Variants in DIAPH2 observed in about 807,000 individuals in gnomAD.
The protein encoded by DIAPH2 is protein diaphanous homolog 2.
In DIAPH2, 35 loss-of-function variants were observed where a neutral mutation model predicts 92.7. The observed-to-expected ratio is 0.38, with a 90% CI of 0.29 to 0.50. The LOEUF (loss-of-function observed/expected upper bound fraction) is 0.50. DIAPH2 is among the 20% of genes least tolerant of loss of function. The pLI is 0.94. For missense variants in DIAPH2, 701 were observed against 819.5 expected (o/e 0.86, Z 1.77); for synonymous variants, 301 against 280.4 (o/e 1.07, Z -0.73).
intron 18 of DIAPH2, among the ~76,000 whole-genome samples, chrX:97,074,819 T>A (rs1444075003): frequency 8.9e-6 from 1 of 112,266 alleles, no homozygotes; most frequent in Non-Finnish European, 1.9e-5. Context: ...CTTCATTGAA[T>A]AAAAAGGTCA....
At chrX:97,293,543 C>A (rs935127757) in intron 23 of DIAPH2, among the ~76,000 whole-genome samples, 19 of 111,217 alleles carry the variant, frequency 1.7e-4, no homozygotes, top group Non-Finnish European at 3.6e-4. Flanking sequence ...GAGCCACTGC[C>A]CCCGGTCTTT....
At chrX:97,057,135 A>G (rs1402941163) in intron 17 of DIAPH2, among the ~76,000 whole-genome samples, 1 of 112,227 alleles carries the variant, frequency 8.9e-6, no homozygotes, top group East Asian at 2.8e-4. Flanking sequence ...CTAAATGATG[A>G]GTCGTATGTG....
At chrX:97,535,028 GAA>G (rs765587699) in intron 26 of DIAPH2, among the ~76,000 whole-genome samples, 1 of 111,783 alleles carries the variant, frequency 8.9e-6, no homozygotes, top group South Asian at 3.8e-4. Context: ...AAGGTCATCA[GAA>G]ACAAGGAAAG....
At chrX:97,147,479 C>T (rs73250790) in intron 22 of DIAPH2, among the ~76,000 whole-genome samples, 8,069 of 109,393 alleles carry the variant, frequency 0.074, 281 homozygotes, top group Non-Finnish European at 0.11. Flanking sequence ...TCTTTTTTTC[C>T]CCCTGTGGCT....
At chrX:97,178,248 C>G (rs900613924) in intron 22 of DIAPH2, among the ~76,000 whole-genome samples, 2 of 109,911 alleles carry the variant, frequency 1.8e-5, no homozygotes, top group African/African-American at 6.6e-5. Flanking sequence ...CCAAAAAAAT[C>G]TAGATACATT....
chrX:97,327,513 A>G (rs1416941088), intron 23 of DIAPH2, among the ~76,000 whole-genome samples: 1 of 109,053 alleles, frequency 9.2e-6, no homozygotes, highest in Non-Finnish European at 1.9e-5. Flanking sequence ...GCTCATTGCA[A>G]CCTCCGCCTC....
chrX:96,713,299 G>C (rs984755146), intron 1 of DIAPH2, among the ~76,000 whole-genome samples: 6 of 110,915 alleles, frequency 5.4e-5, no homozygotes, highest in African/African-American at 2.0e-4. Context: ...CTCAAGGATT[G>C]TGTGTGTGTG....
chrX:96,921,954 A>G (rs2065548259), intron 9 of DIAPH2, among the ~76,000 whole-genome samples: 1 of 111,476 alleles, frequency 9.0e-6, no homozygotes, highest in Non-Finnish European at 1.9e-5. Flanking sequence ...AGATTTATAC[A>G]TCCAGCTCAG....
At chrX:97,327,391 G>A (rs923501668) in intron 23 of DIAPH2, among the ~76,000 whole-genome samples, 1 of 107,214 alleles carries the variant, frequency 9.3e-6, no homozygotes, top group Non-Finnish European at 1.9e-5. Context: ...GAGCTACCGC[G>A]CCCGGCCTAG....
chrX:96,870,851 C>A (rs766840261), intron 4 of DIAPH2, among the ~76,000 whole-genome samples: 1 of 111,831 alleles, frequency 8.9e-6, no homozygotes, highest in South Asian at 3.7e-4. Flanking sequence ...ACTTAAAATG[C>A]AGTTTATATC....
At chrX:97,252,716 G>GTTTTGTTTTGTTT (rs2068198419) in intron 23 of DIAPH2, among the ~76,000 whole-genome samples, 1 of 104,294 alleles carries the variant, frequency 9.6e-6, no homozygotes. Context: ...CAAAGCTGTT[G>GTTTTGTTTTGTTT]TGTTTTGTTT....
At chrX:97,573,464 T>C (rs1462049311) in intron 26 of DIAPH2, among the ~76,000 whole-genome samples, 3 of 111,036 alleles carry the variant, frequency 2.7e-5, no homozygotes, top group African/African-American at 9.8e-5. Context: ...CATTTAGGGT[T>C]AATAAAGATA....
At chrX:97,116,210 G>A (rs2067015620) in intron 21 of DIAPH2, among the ~76,000 whole-genome samples, 1 of 111,843 alleles carries the variant, frequency 8.9e-6, no homozygotes, top group African/African-American at 3.2e-5. Context: ...GATCTTGGTA[G>A]TTCTAACCCA....
At chrX:97,191,902 A>G (rs1233997450) in intron 22 of DIAPH2, among the ~76,000 whole-genome samples, 3 of 111,152 alleles carry the variant, frequency 2.7e-5, no homozygotes, top group Non-Finnish European at 5.7e-5. Flanking sequence ...GCAGTGAAAA[A>G]CTGAACATTA....
At chrX:97,195,388 C>T (rs1398256417) in intron 22 of DIAPH2, among the ~76,000 whole-genome samples, 1 of 111,298 alleles carries the variant, frequency 9.0e-6, no homozygotes, top group African/African-American at 3.3e-5. Context: ...AGGCCAGGCG[C>T]AGTGGCTCAT....
intron 26 of DIAPH2, chrX:97,564,434 T>C (rs2071313065): frequency 8.9e-6 from 1 of 112,213 alleles, no homozygotes; most frequent in Non-Finnish European, 1.9e-5. Context: ...TAATGTCTGA[T>C]GAGTGTTTGC....
intron 22 of DIAPH2, among the ~76,000 whole-genome samples, chrX:97,145,307 A>AGTAGTAGTC (rs1402014795): frequency 9.4e-6 from 1 of 105,920 alleles, no homozygotes; most frequent in Non-Finnish European, 1.9e-5. Context: ...TAGTAGTAGT[A>AGTAGTAGTC]GTAGTAGTAG....
At chrX:97,268,456 A>G (rs946556714) in intron 23 of DIAPH2, among the ~76,000 whole-genome samples, 5 of 112,170 alleles carry the variant, frequency 4.5e-5, no homozygotes, top group African/African-American at 1.6e-4. Context: ...TGCTATGGTG[A>G]TATATTGGTT....
chrX:96,964,304 A>ATT (rs1213471756), intron 16 of DIAPH2, among the ~76,000 whole-genome samples: 2 of 112,265 alleles, frequency 1.8e-5, no homozygotes, highest in Admixed American at 1.9e-4. Context: ...TTTTTAAAAA[A>ATT]TTAAGTACAA....
Sources: gnomAD v4.1 joint callset for allele counts (sites outside exome capture counted in the v4.1 genomes callset) on GRCh38, gnomAD v4.1.1 for gene constraint, MANE v1.5 for transcripts, NCBI Gene and HGNC (gene_info 2026-07-23, HGNC 2026-07-21) for gene names.